FMN2: variants seen among roughly 807,000 people sequenced by gnomAD.
FMN2 encodes the protein formin 2.
FMN2 carries 51 observed loss-of-function variants against 142.3 expected under a neutral mutation model. The ratio of observed to expected loss-of-function variants is 0.36; its 90% CI spans 0.29 to 0.45. FMN2 has a LOEUF of 0.45. Among genes scored for constraint, FMN2 ranks in the 20% least tolerant of loss-of-function variants. FMN2 has a pLI of 1.00. For synonymous variants in FMN2, 882 were observed against 869.8 expected, an observed-to-expected ratio of 1.01 and a Z score of -0.25; for missense variants, 1,936 against 2,122.8, an observed-to-expected ratio of 0.91 and a Z score of 1.73.
chr1:240,293,595 A>G (rs1182910585), intron 7 of FMN2, among the ~76,000 whole-genome samples: 1 of 152,158 alleles, frequency 6.6e-6, no homozygotes, highest in Non-Finnish European at 1.5e-5. Context: ...CTGTGCCTTT[A>G]CTACTTTGAA....
At chr1:240,277,805 G>T (rs1350301586) in intron 7 of FMN2, among the ~76,000 whole-genome samples, 1 of 151,884 alleles carries the variant, frequency 6.6e-6, no homozygotes, top group African/African-American at 2.4e-5. Context: ...AAAGTGCTAG[G>T]ATTACAGGTG....
intron 16 of FMN2, among the ~76,000 whole-genome samples, chr1:240,440,472 T>G (rs1675572739): frequency 6.6e-6 from 1 of 151,234 alleles, no homozygotes; most frequent in Non-Finnish European, 1.5e-5. Flanking sequence ...TCTCTAAGTA[T>G]CTCATAAAAT....
intron 1 of FMN2, 139 bp from the exon 2 acceptor site, chr1:240,123,038 TGA>T: frequency 1.2e-6 from 1 of 869,070 alleles, no homozygotes; most frequent in Middle Eastern, 3.6e-4. Flanking sequence ...TCTCCTAGCT[TGA>T]GAGGCTCCTT....
chr1:240,199,479 A>T (rs1419181039), intron 4 of FMN2, among the ~76,000 whole-genome samples: 1 of 152,154 alleles, frequency 6.6e-6, no homozygotes, highest in Non-Finnish European at 1.5e-5. Flanking sequence ...TGTTACAGTA[A>T]TGTTTTCTTT....
intron 6 of FMN2, among the ~76,000 whole-genome samples, chr1:240,215,561 A>G (rs970711144): frequency 1.3e-5 from 2 of 152,210 alleles, no homozygotes; most frequent in African/African-American, 2.4e-5. Flanking sequence ...AGACCAGAAT[A>G]TATACTTTTA....
chr1:240,422,018 T>C (rs1674784069), intron 15 of FMN2, among the ~76,000 whole-genome samples: 2 of 152,136 alleles, frequency 1.3e-5, no homozygotes, highest in Non-Finnish European at 2.9e-5. Context: ...TGGACCTGCA[T>C]GGGGAGAGAG....
At chr1:240,188,167 T>C (rs1318828943) in intron 3 of FMN2, 40 bp from the exon 4 acceptor site, 1 of 1,589,684 alleles carries the variant, frequency 6.3e-7, no homozygotes, top group South Asian at 1.1e-5. Flanking sequence ...AGGAAAATTG[T>C]CCTTTAAGAT....
At chr1:240,373,979 C>T (rs1672957223) in intron 14 of FMN2, among the ~76,000 whole-genome samples, 1 of 152,302 alleles carries the variant, frequency 6.6e-6, no homozygotes, top group South Asian at 2.1e-4. Flanking sequence ...AAAATGACCC[C>T]TTGATCTAAA....
chr1:240,249,463 G>A (rs187005073), intron 6 of FMN2, among the ~76,000 whole-genome samples: 15 of 152,100 alleles, frequency 9.9e-5, no homozygotes, highest in African/African-American at 3.6e-4. Flanking sequence ...CTATGTGTTT[G>A]TTTTTATATC....
chr1:240,214,089 C>A lies in FMN2; in HGVS notation c.4065+2854C>A, dbSNP rs182945720. Among the ~76,000 whole-genome samples, 412 of 152,278 alleles carry A rather than the reference C, an allele frequency of 2.7e-3. 3 individuals carry two copies. The South Asian group carries it at 0.027, about 10-fold the overall frequency. Reference sequence around the variant, plus strand: ...TTGTTCTATGATGATTTCTTCATTTCTCCTTCTTTACTTTGAAGCATTACA... The same window carrying A: ...TTGTTCTATGATGATTTCTTCATTTATCCTTCTTTACTTTGAAGCATTACA... On this transcript the variant is annotated intron_variant, in intron 6 of 17. Transcript: ENST00000319653.
Position 240,302,354 on chromosome 1 carries a change from C to T in FMN2, c.4215+7471C>T, listed in dbSNP as rs182080457. On this transcript the variant is annotated intron_variant, in intron 8 of 17. Transcript: ENST00000319653. ...TGCAATACCTGGGCCCTCAGAAAAT[C>T]GGGACCCAGAATATTGAAAAATTCT... Among the ~76,000 whole-genome samples, 105 of 151,820 alleles carry T rather than the reference C, an allele frequency of 6.9e-4. 1 individual carries two copies. Among genetic ancestry groups the T allele is most frequent in the Middle Eastern group, 3.4e-3 (1 of 294 alleles).
intron 6 of FMN2, among the ~76,000 whole-genome samples, chr1:240,215,368 G>T (rs1666857086): frequency 1.3e-5 from 2 of 152,146 alleles, no homozygotes; most frequent in South Asian, 4.1e-4. Context: ...GTTAGCCTCA[G>T]TTCATAGTAC....
At chr1:240,342,617 T>C (rs1470355248) in intron 13 of FMN2, among the ~76,000 whole-genome samples, 1 of 152,200 alleles carries the variant, frequency 6.6e-6, no homozygotes, top group African/African-American at 2.4e-5. Flanking sequence ...TTACCAAATG[T>C]TATAAAAATA....
rs538744149 is a variant in FMN2 at position 240,113,738 on chromosome 1, C to G, written c.1616-9441C>G. Among the ~76,000 whole-genome samples, 72 of 152,172 alleles carry G rather than the reference C, an allele frequency of 4.7e-4. 1 individual carries two copies. In the South Asian group the frequency reaches 0.015, roughly 31 times the overall value. On this transcript the variant is annotated intron_variant, in intron 1 of 17. Transcript: ENST00000319653. ...CATGTCTCTGTCCACTCCCCCTGACCTGGTTGGTCAAATTACATTCCTTGA... is the reference window on the plus strand; with the variant it reads ...CATGTCTCTGTCCACTCCCCCTGACGTGGTTGGTCAAATTACATTCCTTGA...
chr1:240,231,912 T>C (rs893944911), intron 6 of FMN2, among the ~76,000 whole-genome samples: 1 of 152,218 alleles, frequency 6.6e-6, no homozygotes, highest in Non-Finnish European at 1.5e-5. Context: ...TAGGCACTTC[T>C]TGAATTCATT....
chr1:240,358,935 G>A (rs962822740), intron 14 of FMN2, among the ~76,000 whole-genome samples: 4 of 152,056 alleles, frequency 2.6e-5, no homozygotes, highest in African/African-American at 4.8e-5. Context: ...CCAGGAGTTC[G>A]AGACCAGCCT....
In FMN2 at chr1:240,252,641, G is replaced by T. The variant is rs141978505; in HGVS notation, c.4066-5304G>T. 8.0e-3 allele frequency among the ~76,000 whole-genome samples: 1,214 copies of T among 151,154 alleles called. 17 individuals carry two copies. Among genetic ancestry groups the T allele is most frequent in the African/African-American group, 0.028 (1,154 of 41,230 alleles). ...AAATCAGCTGTTATTCTGACGGGGG[G>T]GGTGGTTCTCTTATAAGTGACTAGA... On this transcript the variant is annotated intron_variant, in intron 6 of 17. Transcript: ENST00000319653.
chr1:240,287,189 A>C (rs1669620165), intron 7 of FMN2, among the ~76,000 whole-genome samples: 1 of 152,208 alleles, frequency 6.6e-6, no homozygotes, highest in African/African-American at 2.4e-5. Context: ...TGCTCCCTGC[A>C]GTTCCTCAGA....
At chr1:240,269,067 G>T (rs973480597) in intron 7 of FMN2, among the ~76,000 whole-genome samples, 8 of 151,982 alleles carry the variant, frequency 5.3e-5, no homozygotes, top group African/African-American at 1.9e-4. Flanking sequence ...CATCCCATTT[G>T]TCTATTTTCT....
Sources: gnomAD v4.1 joint callset for allele counts (sites outside exome capture counted in the v4.1 genomes callset) on GRCh38, gnomAD v4.1.1 for gene constraint, MANE v1.5 for transcripts, NCBI Gene and HGNC (gene_info 2026-07-23, HGNC 2026-07-21) for gene names.